Variants in ZNF215 observed in about 807,000 individuals in gnomAD.
ZNF215 encodes BWSCR2-associated zinc finger protein 2.
ZNF215 carries 24 observed loss-of-function variants against 27.2 expected under a neutral mutation model. That is an observed-to-expected ratio of 0.88 (90% CI 0.64 to 1.24). The LOEUF is 1.24. Among genes scored for constraint, ZNF215 ranks in the 50% most tolerant of loss-of-function variants. The pLI, the probability that ZNF215 is intolerant of heterozygous loss-of-function variation, is 0.00. For synonymous variants in ZNF215, 210 were observed against 204.0 expected, an observed-to-expected ratio of 1.03 and a Z score of -0.25; for missense variants, 675 against 605.7, an observed-to-expected ratio of 1.11 and a Z score of -1.20.
intron 6 of ZNF215, among the ~76,000 whole-genome samples, chr11:6,994,168 T>C (rs180722330): frequency 7.5e-6 from 1 of 133,602 alleles, no homozygotes; most frequent in Non-Finnish European, 1.6e-5. Context: ...CAAATCAATA[T>C]AGTAAATGTT....
intron 2 of ZNF215, among the ~76,000 whole-genome samples, chr11:6,931,132 A>C (rs1849244743): frequency 6.6e-6 from 1 of 152,222 alleles, no homozygotes. Context: ...GATAATCATA[A>C]TAAAAGTGAC....
chr11:6,967,822 G>A (rs1471233183), intron 5 of ZNF215, among the ~76,000 whole-genome samples: 1 of 152,114 alleles, frequency 6.6e-6, no homozygotes, highest in Non-Finnish European at 1.5e-5. Flanking sequence ...TTTGGCTTTT[G>A]TTGCCATTGC....
At chr11:6,944,052 G>T (rs2857889) in intron 6 of ZNF215, among the ~76,000 whole-genome samples, 40,282 of 151,952 alleles carry the variant, frequency 0.27, 5,660 homozygotes, top group African/African-American at 0.36. Flanking sequence ...GAGGCGGGCG[G>T]ATCACAAGGT....
At chr11:6,940,888 CA>C (rs1849611570) in intron 3 of ZNF215, among the ~76,000 whole-genome samples, 1 of 152,148 alleles carries the variant, frequency 6.6e-6, no homozygotes, top group Non-Finnish European at 1.5e-5. Flanking sequence ...AATGTTTTAA[CA>C]AACTTACTAC....
chr11:6,964,490 C>T (rs1256017394), intron 5 of ZNF215, among the ~76,000 whole-genome samples: 1 of 151,996 alleles, frequency 6.6e-6, no homozygotes, highest in Non-Finnish European at 1.5e-5. Context: ...CCAGCAGTTT[C>T]TGTACTATTT....
At chr11:6,963,844 T>C (rs1369636337) in intron 5 of ZNF215, among the ~76,000 whole-genome samples, 4 of 152,080 alleles carry the variant, frequency 2.6e-5, no homozygotes, top group Non-Finnish European at 5.9e-5. Context: ...TAAGCTCACA[T>C]TGGCTCACAA....
At chr11:6,955,215 T>A (rs1233847453) in intron 6 of ZNF215, among the ~76,000 whole-genome samples, 1 of 152,202 alleles carries the variant, frequency 6.6e-6, no homozygotes, top group Non-Finnish European at 1.5e-5. Flanking sequence ...GGCACTATGA[T>A]TGCAAGTTTG....
intron 5 of ZNF215, among the ~76,000 whole-genome samples, chr11:6,977,671 A>G (rs1253428751): frequency 1.3e-5 from 2 of 152,002 alleles, no homozygotes; most frequent in Non-Finnish European, 2.9e-5. Context: ...GCCTCAGAAG[A>G]AAACCAAACC....
Position 6,957,682 on chromosome 11 carries a change from A to G in ZNF215, c.*1151A>G, listed in dbSNP as rs1850420885. ...TATGGTAAAATTGGTTTTGTTATAC[A>G]TCATTTCACTTAAAGTTGCAGTTCC... is the stretch of plus-strand genomic sequence containing the variant. On this transcript the variant is annotated 3_prime_UTR_variant, in exon 7 of 7. Coordinates refer to ENST00000278319, the MANE Select transcript of ZNF215 (RefSeq NM_013250.4). 1 of 934,138 alleles carries G rather than the reference A, an allele frequency of 1.1e-6. No individual in the cohort carries two copies. Among genetic ancestry groups the G allele is most frequent in the Non-Finnish European group, 1.3e-6 (1 of 783,382 alleles). The allele number at this position is 934,138 out of a possible 1,614,324, so 57.9% of individuals were successfully genotyped here. A position where few individuals can be genotyped will look rare whatever the true frequency, so the allele number is the denominator to read the frequency against.
chr11:6,933,545 T>C (rs992968553), intron 3 of ZNF215, among the ~76,000 whole-genome samples: 1 of 151,952 alleles, frequency 6.6e-6, no homozygotes, highest in Non-Finnish European at 1.5e-5. Context: ...CCCAGCACTT[T>C]GGGAGGCCGA....
At chr11:6,976,712 C>G (rs1850841232) in intron 5 of ZNF215, among the ~76,000 whole-genome samples, 1 of 152,056 alleles carries the variant, frequency 6.6e-6, no homozygotes. Flanking sequence ...CTAGTCACCA[C>G]TCTTCCCCAT....
intron 6 of ZNF215, among the ~76,000 whole-genome samples, chr11:6,945,167 A>C (rs1415164900): frequency 5.9e-5 from 9 of 152,050 alleles, no homozygotes; most frequent in Admixed American, 5.9e-4. Flanking sequence ...GGTATTACTT[A>C]CCCGAATTCT....
intron 6 of ZNF215, among the ~76,000 whole-genome samples, chr11:6,954,719 T>C (rs1421982724): frequency 6.6e-6 from 1 of 152,170 alleles, no homozygotes; most frequent in Non-Finnish European, 1.5e-5. Flanking sequence ...TGCTTCGGCT[T>C]GCGCAGGGTG....
chr11:6,953,967 G>A (rs1174347279), intron 6 of ZNF215, among the ~76,000 whole-genome samples: 2 of 152,168 alleles, frequency 1.3e-5, no homozygotes, highest in Non-Finnish European at 2.9e-5. Flanking sequence ...AGGACCCTCA[G>A]CTGCAGGTCT....
At position 6,948,419 on chromosome 11, in the gene ZNF215, A is replaced by T. The variant is rs559482282; in HGVS notation, c.712+4778A>T. On this transcript the variant is annotated intron_variant, in intron 6 of 6. Coordinates refer to ENST00000278319, the MANE Select transcript of ZNF215 (RefSeq NM_013250.4). ...CGGAGACAGGAAATTTTATAAAATAATAGAACCAAAGCACAGATTTGATAT... is the reference window on the plus strand; with the variant it reads ...CGGAGACAGGAAATTTTATAAAATATTAGAACCAAAGCACAGATTTGATAT... 2.0e-5 allele frequency among the ~76,000 whole-genome samples: 3 copies of T among 152,322 alleles called. 1 individual carries two copies. The South Asian group carries it at 6.2e-4, about 32-fold the overall frequency.
chr11:6,976,865 A>C lies in ZNF215; in HGVS notation c.806-7264A>C, dbSNP rs542694879. Reference sequence around the variant, plus strand: ...TACCACAAACTTAATGGCTTAAAACAACTCATCTTTATGTTCTGATATCAG... The same window carrying C: ...TACCACAAACTTAATGGCTTAAAACCACTCATCTTTATGTTCTGATATCAG... On this transcript the variant is annotated intron_variant, in intron 5 of 5. Transcript: ENST00000529903. 7.9e-5 allele frequency among the ~76,000 whole-genome samples: 12 copies of C among 152,204 alleles called. No homozygotes were observed. In the East Asian group the frequency reaches 1.2e-3, roughly 15 times the overall value.
intron 5 of ZNF215, among the ~76,000 whole-genome samples, chr11:6,979,176 CCTTT>C (rs2133350295): frequency 6.6e-6 from 1 of 152,156 alleles, no homozygotes; most frequent in East Asian, 1.9e-4. Context: ...CCCCAGTCCA[CCTTT>C]CTTTGTCCAA....
At chr11:6,983,797 CAT>C (rs763122690) in intron 5 of ZNF215, among the ~76,000 whole-genome samples, 2 of 151,916 alleles carry the variant, frequency 1.3e-5, no homozygotes, top group Non-Finnish European at 2.9e-5. Flanking sequence ...ATATCTCTAA[CAT>C]AAAAAGCTGA....
In ZNF215 at chr11:6,932,454, G is replaced by A. The variant is rs1564943540; in HGVS notation, c.182G>A (p.Gly61Glu). The A allele has an allele frequency of 6.2e-6, 10 of 1,614,142 alleles. No individual in the cohort carries two copies. Among genetic ancestry groups the A allele is most frequent in the Non-Finnish European group, 7.6e-6 (9 of 1,180,024 alleles). ...CATTTCCAGTATTTGAAAGTGTCTG[G>A]GCCCCATGAAGCCCTGAGCCAACTC... ...FRHFQYLKVS[G>E]PHEALSQLWE... Residue 61 changes from glycine to glutamate, a missense_variant, in exon 3 of 7, where the codon GGG becomes GAG. Coordinates refer to ENST00000278319, the MANE Select transcript of ZNF215 (RefSeq NM_013250.4).
Sources: gnomAD v4.1 joint callset for allele counts (sites outside exome capture counted in the v4.1 genomes callset) on GRCh38, gnomAD v4.1.1 for gene constraint, MANE v1.5 for transcripts, NCBI Gene and HGNC (gene_info 2026-07-23, HGNC 2026-07-21) for gene names.